Variants in ZNF487 observed in about 807,000 individuals in gnomAD.
ZNF487 encodes the protein zinc finger protein 487.
Under a neutral mutation model 3.0 loss-of-function variants are expected in ZNF487, and 4 were observed. The observed-to-expected ratio is 1.35, with a 90% CI of 0.66 to 3.08. ZNF487 has a LOEUF of 3.08. Ranked by LOEUF, ZNF487 falls within the 30% of genes most tolerant of loss-of-function variation. The pLI, the probability that ZNF487 is intolerant of heterozygous loss-of-function variation, is 0.01. For synonymous variants in ZNF487, 55 were observed against 34.6 expected (o/e 1.59, Z -2.06); for missense variants, 146 against 98.7 (o/e 1.48, Z -2.03).
At chr10:43,490,426 T>TC in the ZNF487 span, among the ~76,000 whole-genome samples, 3 of 150,140 alleles carry the variant, frequency 2.0e-5, no homozygotes, top group African/African-American at 7.3e-5. Flanking sequence ...TCTTGTGATT[T>TC]TCCCCCCATA....
chr10:43,460,697 C>CT (rs745732807), intron 1 of ZNF487, among the ~76,000 whole-genome samples: 213 of 141,540 alleles, frequency 1.5e-3, no homozygotes, highest in East Asian at 3.2e-3. Context: ...TCTTAAAAGT[C>CT]TTTTTTTTTT....
chr10:43,450,570 C>T (rs992300703), intron 1 of ZNF487, among the ~76,000 whole-genome samples: 7 of 150,874 alleles, frequency 4.6e-5, no homozygotes, highest in African/African-American at 1.5e-4. Context: ...GCCAGGAGTT[C>T]GACTCCTGAC....
Position 43,438,740 on chromosome 10 carries a change from G to T in ZNF487, c.-94+1478G>T, listed in dbSNP as rs184671060. ...GTAACCCCAGTGTCCATTGATAGAT[G>T]GATAAACAAAATGTGTCATATACAA... On this transcript the variant is annotated intron_variant, in intron 1 of 3. Transcript: ENST00000437590. Among the ~76,000 whole-genome samples the T allele has an allele frequency of 2.0e-5, 3 of 152,180 alleles. No individual in the cohort carries two copies. In the East Asian group the frequency reaches 5.8e-4, roughly 29 times the overall value.
At chr10:43,498,021 G>C in the ZNF487 span, among the ~76,000 whole-genome samples, 1 of 138,170 alleles carries the variant, frequency 7.2e-6, no homozygotes, top group Non-Finnish European at 1.5e-5. Flanking sequence ...GAGAGAGAGA[G>C]AGAGACATCT....
chr10:43,456,403 G>A (rs1464227473), intron 1 of ZNF487, among the ~76,000 whole-genome samples: 1 of 152,176 alleles, frequency 6.6e-6, no homozygotes, highest in African/African-American at 2.4e-5. Context: ...GAGGCAATAT[G>A]TAATGCCTGT....
chr10:43,449,149 A>G (rs907927302), intron 1 of ZNF487, among the ~76,000 whole-genome samples: 6 of 152,138 alleles, frequency 3.9e-5, no homozygotes, highest in African/African-American at 1.4e-4. Context: ...AATACAAAAA[A>G]TTAGCAGGGC....
At chr10:43,445,783 T>G (rs555656450) in intron 1 of ZNF487, among the ~76,000 whole-genome samples, 1 of 152,106 alleles carries the variant, frequency 6.6e-6, no homozygotes, top group Non-Finnish European at 1.5e-5. Flanking sequence ...CAGATAAACA[T>G]GTGAACAAAG....
Position 43,463,554 on chromosome 10 carries a change from T to TA in ZNF487, c.-93-12167_-93-12166insA, listed in dbSNP as rs201726251. ...CACTGTCTCGAAAAAAAAAAAAAAT[T>TA]TTTTTTTTTTGGTGGAAACTTGGTC... On this transcript the variant is annotated intron_variant, in intron 1 of 3. Transcript: ENST00000437590. Among the ~76,000 whole-genome samples, 1,017 of 150,220 alleles carry TA rather than the reference T, an allele frequency of 6.8e-3. 12 individuals are homozygous for TA. Among genetic ancestry groups the TA allele is most frequent in the African/African-American group, 0.024 (976 of 41,086 alleles).
At position 43,441,328 on chromosome 10, in the gene ZNF487, C is replaced by T. The variant is rs535567682; in HGVS notation, c.-94+4066C>T. Among the ~76,000 whole-genome samples the T allele has an allele frequency of 1.6e-4, 24 of 152,038 alleles. 2 individuals are homozygous for T. Among genetic ancestry groups the T allele is most frequent in the African/African-American group, 4.3e-4 (18 of 41,490 alleles). On this transcript the variant is annotated intron_variant, in intron 1 of 3. Coordinates refer to ENST00000437590, the MANE Select transcript of ZNF487 (RefSeq NM_001355444.3). ...TCGCCCAGGCTGGAGTGCAGTGGCA[C>T]GATCTCGGCTCACTGCAACTTCCGC... is the stretch of plus-strand genomic sequence containing the variant.
chr10:43,500,668 A>ATT, the ZNF487 span, among the ~76,000 whole-genome samples: 40 of 142,466 alleles, frequency 2.8e-4, no homozygotes, highest in African/African-American at 5.4e-4. Flanking sequence ...TGCCCAGCTA[A>ATT]TTTTTTTTTT....
At chr10:43,455,500 C>T (rs1359311392) in intron 1 of ZNF487, among the ~76,000 whole-genome samples, 1 of 152,260 alleles carries the variant, frequency 6.6e-6, no homozygotes, top group African/African-American at 2.4e-5. Context: ...GCGTCCTTTG[C>T]GGTCTTTTGT....
the ZNF487 span, among the ~76,000 whole-genome samples, chr10:43,500,838 A>G: frequency 6.6e-6 from 1 of 152,176 alleles, no homozygotes; most frequent in South Asian, 2.1e-4. Context: ...AAAACAAGAA[A>G]AGTATATTGA....
intron 1 of ZNF487, among the ~76,000 whole-genome samples, chr10:43,450,343 C>T (rs751615910): frequency 3.3e-5 from 5 of 151,240 alleles, no homozygotes; most frequent in African/African-American, 4.9e-5. Context: ...CCACCAAGCC[C>T]GGCCTCTTTT....
chr10:43,493,709 A>AAAAAAAAAAAAAAAAT, the ZNF487 span, among the ~76,000 whole-genome samples: 1 of 43,720 alleles, frequency 2.3e-5, no homozygotes, highest in African/African-American at 8.7e-5. Flanking sequence ...AAAAAAAAAA[A>AAAAAAAAAAAAAAAAT]ATATATATAT....
chr10:43,472,471 G>A (rs1428485348), intron 1 of ZNF487, among the ~76,000 whole-genome samples: 1 of 152,018 alleles, frequency 6.6e-6, no homozygotes, highest in East Asian at 1.9e-4. Flanking sequence ...TCCTCTCTAT[G>A]ACATCTTTTG....
chr10:43,486,434 G>A (rs1841472548), downstream of ZNF487, among the ~76,000 whole-genome samples: 1 of 152,064 alleles, frequency 6.6e-6, no homozygotes, highest in Non-Finnish European at 1.5e-5. Context: ...GCTGAGGCAG[G>A]AGAATCGCTT....
At chr10:43,523,858 T>C in the ZNF487 span, 1 of 152,108 alleles carries the variant, frequency 6.6e-6, no homozygotes, top group Admixed American at 6.5e-5. Flanking sequence ...GAGAAATCTC[T>C]AAATAAACAC....
chr10:43,459,468 G>C (rs867828142), intron 1 of ZNF487, among the ~76,000 whole-genome samples: 11 of 152,134 alleles, frequency 7.2e-5, no homozygotes, highest in Middle Eastern at 3.4e-3. Context: ...GACCTCAGGT[G>C]ATCCACCCAC....
chr10:43,522,371 C>T, the ZNF487 span, among the ~76,000 whole-genome samples: 1 of 151,844 alleles, frequency 6.6e-6, no homozygotes, highest in Admixed American at 6.6e-5. Context: ...ACAAATACCA[C>T]TTGCTAGTAT....
Sources: allele counts gnomAD v4.1 joint callset (sites outside exome capture counted in the v4.1 genomes callset), GRCh38; gene constraint gnomAD v4.1.1; transcripts MANE v1.5; gene names NCBI Gene and HGNC (gene_info 2026-07-23, HGNC 2026-07-21).